The following PSME3 variants were observed in gnomAD, a reference collection of about 807,000 sequenced individuals.
The protein encoded by PSME3 is proteasome activator subunit 3, also known as proteasome activator complex subunit 3.
A neutral mutation model predicts 38.3 loss-of-function variants in PSME3; 7 were observed. The observed-to-expected ratio is 0.18, with a 90% CI of 0.10 to 0.34. The LOEUF (loss-of-function observed/expected upper bound fraction) is 0.34. Among genes scored for constraint, PSME3 ranks in the 10% least tolerant of loss-of-function variants. The pLI is 1.00. For missense variants in PSME3, 192 were observed against 307.6 expected, an observed-to-expected ratio of 0.62 and a Z score of 2.81; for synonymous variants, 108 against 105.7, an observed-to-expected ratio of 1.02 and a Z score of -0.13.
In PSME3 at chr17:42,841,888, TC is replaced by T. The variant is rs2055538680; in HGVS notation, c.*313del. On this transcript the variant is annotated 3_prime_UTR_variant, in exon 11 of 11. Transcript: ENST00000590720. ...CCTGTGTTTTCATTCTCCCCCTCTC[TC>T]CCTCCTGTGTCTTGCGCTTTATGTT... is the stretch of plus-strand genomic sequence containing the variant. The T allele has an allele frequency of 8.6e-6, 2 of 232,024 alleles. No homozygotes were observed. Among genetic ancestry groups the T allele is most frequent in the Admixed American group, 5.7e-5 (1 of 17,404 alleles). The allele number at this position is 232,024 out of a possible 1,614,324, so 14.4% of individuals were successfully genotyped here. A position where few individuals can be genotyped will look rare whatever the true frequency, so the allele number is the denominator to read the frequency against.
Position 42,843,624 on chromosome 17 carries a change from A to G in PSME3, c.*2046A>G, listed in dbSNP as rs1032453006. The G allele has an allele frequency of 1.3e-4, 20 of 152,242 alleles. No homozygotes were observed. The highest frequency in any genetic ancestry group is 1.1e-3 in the Admixed American group (17 of 15,270). 9.4% of individuals were successfully genotyped at this position (152,242 alleles called of 1,614,324 possible). A position where few individuals can be genotyped will look rare whatever the true frequency, so the allele number is the denominator to read the frequency against. Reference sequence around the variant, plus strand: ...CGCGTCCTACCCAGTCATTTTCTTTACCTTATACTAATTCTTCCTGAATAA... The same window carrying G: ...CGCGTCCTACCCAGTCATTTTCTTTGCCTTATACTAATTCTTCCTGAATAA... On this transcript the variant is annotated 3_prime_UTR_variant, in exon 11 of 11. Coordinates refer to ENST00000590720, the MANE Select transcript of PSME3 (RefSeq NM_005789.4).
rs376788489 is a variant in PSME3, at chr17:42,835,182, A to G, written c.243+306A>G. Among the ~76,000 whole-genome samples the G allele has an allele frequency of 1.8e-3, 270 of 151,866 alleles. 2 individuals carry two copies. Among genetic ancestry groups the G allele is most frequent in the African/African-American group, 6.4e-3 (264 of 41,420 alleles). On this transcript the variant is annotated intron_variant, in intron 4 of 10. Transcript: ENST00000590720. Reference sequence around the variant, plus strand: ...CCTCGCAGGTAGCTGGGACTACAGGAGTCCACCACCATGCCCACTGATTTT... The same window carrying G: ...CCTCGCAGGTAGCTGGGACTACAGGGGTCCACCACCATGCCCACTGATTTT...
chr17:42,843,117 C>G lies in PSME3; in HGVS notation c.*1539C>G, dbSNP rs981186046. 6.5e-6 allele frequency: 1 copy of G among 152,782 alleles called. No homozygotes were observed. 9.5% of individuals were successfully genotyped at this position (152,782 alleles called of 1,614,324 possible). ...TCCCTCCATGTGTTTCTCAGTTTCC[C>G]GTTTCGTTTGTTGGACTGTTCCACT... On this transcript the variant is annotated 3_prime_UTR_variant, in exon 11 of 11. Coordinates refer to ENST00000590720, the MANE Select transcript of PSME3 (RefSeq NM_005789.4).
intron 10 of PSME3, among the ~76,000 whole-genome samples, chr17:42,841,038 C>T (rs1165813061): frequency 6.7e-6 from 1 of 149,840 alleles, no homozygotes; most frequent in African/African-American, 2.5e-5. Context: ...GTGGCTGAGG[C>T]AGGAGAATGG....
chr17:42,834,792 T>C lies in PSME3; in HGVS notation c.159T>C (p.His53=). ...SFLKEPILNI[H]DLTQIHSDMN... ...TTCAGGAACCAATCTTAAACATCCATGACCTAACTCAGATCCACTCTGACA... is the reference window on the plus strand; with the variant it reads ...TTCAGGAACCAATCTTAAACATCCACGACCTAACTCAGATCCACTCTGACA... The change falls in exon 4 of 11, where the codon CAT becomes CAC. Residue 53 remains histidine (H), a synonymous_variant. Coordinates refer to ENST00000590720, the MANE Select transcript of PSME3 (RefSeq NM_005789.4). 1 of 1,614,178 alleles carries C rather than the reference T, an allele frequency of 6.2e-7. No homozygotes were observed. Among genetic ancestry groups the C allele is most frequent in the Non-Finnish European group, 8.5e-7 (1 of 1,180,010 alleles).
intron 10 of PSME3, among the ~76,000 whole-genome samples, chr17:42,839,813 A>G (rs1272487803): frequency 1.3e-5 from 2 of 152,080 alleles, no homozygotes; most frequent in Admixed American, 1.3e-4. Flanking sequence ...CCTGATCAAC[A>G]TGGCGAAAGC....
At chr17:42,835,098 C>G in intron 4 of PSME3, among the ~76,000 whole-genome samples, 1 of 152,050 alleles carries the variant, frequency 6.6e-6, no homozygotes, top group East Asian at 1.9e-4. Context: ...AGTGTAGTGG[C>G]GGGAATGCTG....
intron 4 of PSME3, among the ~76,000 whole-genome samples, chr17:42,835,674 G>A (rs1201734275): frequency 6.6e-6 from 1 of 151,562 alleles, no homozygotes; most frequent in Non-Finnish European, 1.5e-5. Context: ...GCAGTGAGCT[G>A]AGATTGCGCC....
At chr17:42,833,989 G>T (rs1597951203) in intron 1 of PSME3, 2 of 1,436,758 alleles carry the variant, frequency 1.4e-6, no homozygotes, top group East Asian at 5.0e-5. Flanking sequence ...TGCCCTTGGC[G>T]GCTGGCCTGC....
rs1597951800 is a variant in PSME3 at position 42,834,560 on chromosome 17, C to T, written c.121C>T (p.Leu41Phe). ...ANFFPKKLLELDSFLKEPILN... is the reference protein window; with the variant it reads ...ANFFPKKLLEFDSFLKEPILN... The stretch of plus-strand genomic sequence containing the variant: ...TTTTTTCCCAAAGAAGTTATTAGAA[C>T]TTGATAGTTTTCTGAAGGTGAGAGA... The change falls in exon 3 of 11, where the codon CTT (leucine) becomes TTT (phenylalanine). Residue 41 changes from leucine (L) to phenylalanine (F), a missense_variant. Leu to Phe is a conservative substitution (Grantham distance 22). Coordinates refer to ENST00000590720, the MANE Select transcript of PSME3 (RefSeq NM_005789.4). The T allele has an allele frequency of 6.2e-7, 1 of 1,613,818 alleles. No individual in the cohort carries two copies. The highest frequency in any genetic ancestry group is 8.5e-7 in the Non-Finnish European group (1 of 1,179,866).
Position 42,843,595 on chromosome 17 carries a change from A to C in PSME3, c.*2017A>C, listed in dbSNP as rs1467803651. Reference sequence around the variant, plus strand: ...CCATGTGTAAGGAATGAACTGGTTCAAGGCGCGTCCTACCCAGTCATTTTC... The same window carrying C: ...CCATGTGTAAGGAATGAACTGGTTCCAGGCGCGTCCTACCCAGTCATTTTC... On this transcript the variant is annotated 3_prime_UTR_variant, in exon 11 of 11. Transcript: ENST00000590720. The C allele has an allele frequency of 6.6e-6, 1 of 152,356 alleles. No homozygotes were observed. Among genetic ancestry groups the C allele is most frequent in the East Asian group, 1.9e-4 (1 of 5,340 alleles). 9.4% of individuals were successfully genotyped at this position (152,356 alleles called of 1,614,324 possible). A position where few individuals can be genotyped will look rare whatever the true frequency, so the allele number is the denominator to read the frequency against.
Position 42,843,634 on chromosome 17 carries a change from A to C in PSME3, c.*2056A>C, listed in dbSNP as rs1433563872. The C allele has an allele frequency of 6.6e-6, 1 of 152,276 alleles. No individual in the cohort carries two copies. The highest frequency in any genetic ancestry group is 2.4e-5 in the African/African-American group (1 of 41,418). The allele number at this position is 152,276 out of a possible 1,614,324, so 9.4% of individuals were successfully genotyped here. A position where few individuals can be genotyped will look rare whatever the true frequency, so the allele number is the denominator to read the frequency against. ...CCAGTCATTTTCTTTACCTTATACTAATTCTTCCTGAATAATGTCTTCAGT... is the reference window on the plus strand; with the variant it reads ...CCAGTCATTTTCTTTACCTTATACTCATTCTTCCTGAATAATGTCTTCAGT... On this transcript the variant is annotated 3_prime_UTR_variant, in exon 11 of 11. Coordinates refer to ENST00000590720, the MANE Select transcript of PSME3 (RefSeq NM_005789.4).
chr17:42,841,218 A>G (rs904671660), intron 10 of PSME3, among the ~76,000 whole-genome samples: 5 of 151,910 alleles, frequency 3.3e-5, no homozygotes, highest in African/African-American at 7.2e-5. Flanking sequence ...AAAATGATGT[A>G]TATCAAAACC....
At chr17:42,833,872 G>C (rs1344589959) in intron 1 of PSME3, 199 bp downstream of exon 1, 3 of 1,482,716 alleles carry the variant, frequency 2.0e-6, no homozygotes, top group African/African-American at 1.4e-5. Context: ...CGCGTCTGAT[G>C]ATGGAGAGTC....
At chr17:42,841,151 A>G (rs1304454902) in intron 10 of PSME3, among the ~76,000 whole-genome samples, 1 of 151,948 alleles carries the variant, frequency 6.6e-6, no homozygotes, top group African/African-American at 2.4e-5. Context: ...AAAAAAAAAA[A>G]AATACAGTAA....
intron 5 of PSME3, 73 bp from the exon 6 acceptor site, chr17:42,838,020 A>AAAATGAG: frequency 6.6e-7 from 1 of 1,518,752 alleles, no homozygotes; most frequent in Non-Finnish European, 9.1e-7. Flanking sequence ...AGGTATAGGG[A>AAAATGAG]AAATGAGAGA....
At chr17:42,840,905 G>A (rs1294337358) in intron 10 of PSME3, among the ~76,000 whole-genome samples, 1 of 151,938 alleles carries the variant, frequency 6.6e-6, no homozygotes, top group Non-Finnish European at 1.5e-5. Context: ...AGGCCGAGGC[G>A]GGCGGATCAC....
In PSME3 at chr17:42,839,400, G is replaced by A; in HGVS notation, c.684+20G>A. ...CAATATGTGAGTAATCTCAGTCCTTGTCCATAGTTGCTGTGGCTTCTCTTA... is the reference window on the plus strand; with the variant it reads ...CAATATGTGAGTAATCTCAGTCCTTATCCATAGTTGCTGTGGCTTCTCTTA... On this transcript the variant is annotated intron_variant, in intron 10 of 10. Transcript: ENST00000590720. The A allele has an allele frequency of 6.4e-7, 1 of 1,560,820 alleles. No individual in the cohort carries two copies. Among genetic ancestry groups the A allele is most frequent in the Non-Finnish European group, 8.8e-7 (1 of 1,133,244 alleles).
At chr17:42,837,828 G>C (rs576699860) in intron 5 of PSME3, 131 bp downstream of exon 5, 3 of 1,124,656 alleles carry the variant, frequency 2.7e-6, no homozygotes, top group Admixed American at 4.0e-5. Context: ...AGCATTCCCA[G>C]CTCCTCCAAA....
Sources: gnomAD v4.1 joint callset for allele counts (sites outside exome capture counted in the v4.1 genomes callset) on GRCh38, gnomAD v4.1.1 for gene constraint, MANE v1.5 for transcripts, NCBI Gene and HGNC (gene_info 2026-07-23, HGNC 2026-07-21) for gene names.